The following NRXN1 variants were observed in gnomAD, a reference collection of about 807,000 sequenced individuals.
NRXN1 encodes the protein neurexin 1, also known as neurexin-1.
A neutral mutation model predicts 150.9 loss-of-function variants in NRXN1; 39 were observed. The observed-to-expected ratio is 0.26, with a 90% CI of 0.20 to 0.34. The LOEUF (loss-of-function observed/expected upper bound fraction) is 0.34. Among genes scored for constraint, NRXN1 ranks in the 10% least tolerant of loss-of-function variants. The pLI, the probability that NRXN1 is intolerant of heterozygous loss-of-function variation, is 1.00. For missense variants in NRXN1, 1,815 were observed against 1,949.9 expected (o/e 0.93, Z 1.30); for synonymous variants, 924 against 757.0 (o/e 1.22, Z -3.62).
At chr2:50,015,516 CAAAAAAAAA>C (rs34466037) in intron 21 of NRXN1, among the ~76,000 whole-genome samples, 5 of 31,288 alleles carry the variant, frequency 1.6e-4, no homozygotes, top group African/African-American at 2.3e-4. Context: ...GGATTTCTGC[CAAAAAAAAA>C]AAAAAAAAAA....
intron 22 of NRXN1, among the ~76,000 whole-genome samples, chr2:49,943,100 G>A (rs1325504045): frequency 1.3e-5 from 2 of 152,248 alleles, no homozygotes; most frequent in East Asian, 1.9e-4. Context: ...CAGTATTTAC[G>A]TTAGTCACAT....
At chr2:50,199,734 A>G (rs2152831996) in intron 18 of NRXN1, among the ~76,000 whole-genome samples, 1 of 152,188 alleles carries the variant, frequency 6.6e-6, no homozygotes, top group East Asian at 1.9e-4. Flanking sequence ...GTTTGGCATC[A>G]TTTTGGGGTG....
chr2:50,794,756 T>A (rs1706554655), intron 5 of NRXN1, among the ~76,000 whole-genome samples: 1 of 152,128 alleles, frequency 6.6e-6, no homozygotes, highest in East Asian at 1.9e-4. Flanking sequence ...CAATATATTA[T>A]CTCTATATAA....
chr2:50,325,816 C>T (rs1280141580), intron 17 of NRXN1, among the ~76,000 whole-genome samples: 4 of 152,068 alleles, frequency 2.6e-5, no homozygotes, highest in African/African-American at 4.8e-5. Context: ...TGTTTGTAAC[C>T]CTTTATTTAA....
At chr2:50,136,380 T>A (rs1166952521) in intron 18 of NRXN1, among the ~76,000 whole-genome samples, 1 of 152,186 alleles carries the variant, frequency 6.6e-6, no homozygotes, top group East Asian at 1.9e-4. Context: ...AAATTCAAAG[T>A]TGCTTTTGTT....
intron 18 of NRXN1, among the ~76,000 whole-genome samples, chr2:50,128,798 C>T (rs1705000066): frequency 6.6e-6 from 1 of 151,922 alleles, no homozygotes; most frequent in Non-Finnish European, 1.5e-5. Context: ...GCCTGGCCAA[C>T]ATGGCGAAAC....
At chr2:49,944,186 T>G (rs1672493207) in intron 21 of NRXN1, among the ~76,000 whole-genome samples, 1 of 152,176 alleles carries the variant, frequency 6.6e-6, no homozygotes, top group Non-Finnish European at 1.5e-5. Context: ...CTTGGCTTCC[T>G]AAAAGCAGAA....
chr2:50,920,235 T>C (rs751777699), intron 5 of NRXN1, among the ~76,000 whole-genome samples: 25 of 151,846 alleles, frequency 1.6e-4, no homozygotes, highest in Admixed American at 1.3e-4. Context: ...CAAAATCTGA[T>C]GAAAACTGGT....
At chr2:50,693,450 T>C (rs917659413) in intron 5 of NRXN1, among the ~76,000 whole-genome samples, 2 of 152,160 alleles carry the variant, frequency 1.3e-5, no homozygotes, top group Admixed American at 1.3e-4. Context: ...TGTGGTCCTT[T>C]GGTCCACTAT....
At chr2:50,885,203 G>C (rs1165851663) in intron 5 of NRXN1, among the ~76,000 whole-genome samples, 1 of 151,398 alleles carries the variant, frequency 6.6e-6, no homozygotes, top group East Asian at 1.9e-4. Context: ...GTGACAGTAT[G>C]TACTATCTTT....
At chr2:50,454,230 G>A (rs1372792185) in intron 17 of NRXN1, among the ~76,000 whole-genome samples, 1 of 152,140 alleles carries the variant, frequency 6.6e-6, no homozygotes, top group Non-Finnish European at 1.5e-5. Context: ...GGAGGCTGAG[G>A]CACGAGAATC....
chr2:50,375,827 C>T (rs2080447823), intron 17 of NRXN1, among the ~76,000 whole-genome samples: 2 of 151,656 alleles, frequency 1.3e-5, no homozygotes, highest in South Asian at 2.1e-4. Flanking sequence ...AAAGGTTGAT[C>T]TAAGGGTACA....
intron 2 of NRXN1, among the ~76,000 whole-genome samples, chr2:50,946,447 C>A (rs1376779624): frequency 6.6e-6 from 1 of 152,044 alleles, no homozygotes; most frequent in Non-Finnish European, 1.5e-5. Context: ...GTGGGTGAAG[C>A]CAATTAACAG....
intron 21 of NRXN1, chr2:49,972,907 C>T (rs1049860938): frequency 6.6e-6 from 1 of 152,414 alleles, no homozygotes; most frequent in Non-Finnish European, 1.5e-5. Context: ...TCCCTTCTGT[C>T]CTCCATCTGC....
At chr2:50,268,977 T>C (rs1469196509) in intron 17 of NRXN1, among the ~76,000 whole-genome samples, 2 of 152,328 alleles carry the variant, frequency 1.3e-5, no homozygotes, top group East Asian at 1.9e-4. Context: ...AAGCAGACTA[T>C]GCAAGCTCTT....
intron 17 of NRXN1, among the ~76,000 whole-genome samples, chr2:50,311,290 T>C (rs1232148808): frequency 6.6e-6 from 1 of 152,166 alleles, no homozygotes; most frequent in African/African-American, 2.4e-5. Context: ...AAAGCATGCA[T>C]CATAGAAAAT....
chr2:50,756,179 T>C (rs1489925693), intron 5 of NRXN1, among the ~76,000 whole-genome samples: 1 of 151,726 alleles, frequency 6.6e-6, no homozygotes. Context: ...GTATTGTCTA[T>C]CTCCTTAGCA....
chr2:50,095,955 GGCCCC>G (rs1365795832), intron 18 of NRXN1, among the ~76,000 whole-genome samples: 2 of 104,374 alleles, frequency 1.9e-5, no homozygotes, highest in Admixed American at 3.0e-4. Flanking sequence ...CCCCACAACA[GGCCCC>G]GGTGTGTGAT....
At chr2:50,446,497 C>T (rs1309754491) in intron 17 of NRXN1, among the ~76,000 whole-genome samples, 2 of 142,794 alleles carry the variant, frequency 1.4e-5, no homozygotes, top group Non-Finnish European at 3.1e-5. Context: ...TCCTTCCCTC[C>T]CTCCTTCCCC....
Sources: allele counts gnomAD v4.1 joint callset (sites outside exome capture counted in the v4.1 genomes callset), GRCh38; gene constraint gnomAD v4.1.1; transcripts MANE v1.5; gene names NCBI Gene and HGNC (gene_info 2026-07-23, HGNC 2026-07-21).